The following NDNF variants were observed in gnomAD, a reference collection of about 807,000 sequenced individuals.
The protein encoded by NDNF is protein NDNF.
In NDNF, 16 loss-of-function variants were observed where a neutral mutation model predicts 42.0. The observed-to-expected ratio is 0.38, with a 90% CI of 0.26 to 0.58. The LOEUF (loss-of-function observed/expected upper bound fraction) is 0.58. Among genes scored for constraint, NDNF ranks in the 20% least tolerant of loss-of-function variants. NDNF has a pLI of 0.67. For synonymous variants in NDNF, 248 were observed against 251.7 expected (o/e 0.99, Z 0.14); for missense variants, 616 against 666.2 (o/e 0.92, Z 0.83).
In NDNF at chr4:121,037,540, C is replaced by A. The variant is rs1299349129; in HGVS notation, c.431G>T (p.Gly144Val). The change falls in exon 4 of 4, where the codon GGT becomes GTT. Residue 144 changes from glycine to valine, a missense_variant. Physicochemically the swap from Gly to Val is moderately radical, Grantham distance 109. Coordinates refer to ENST00000379692, the MANE Select transcript of NDNF (RefSeq NM_024574.4). Reference protein sequence around the residue: ...EYFISSSSPSGLYQLDLLSTE... With the variant: ...EYFISSSSPSVLYQLDLLSTE... ...TGAAAGAAGATCCAACTGATATAAACCGGATGGGGAACTAGACGATATAAA... is the reference window on the plus strand; with the variant it reads ...TGAAAGAAGATCCAACTGATATAAAACGGATGGGGAACTAGACGATATAAA... 6 of 1,613,842 alleles carry A rather than the reference C, an allele frequency of 3.7e-6. No homozygotes were observed. Among genetic ancestry groups the A allele is most frequent in the Admixed American group, 3.3e-5 (2 of 60,002 alleles).
At chr4:121,040,745 C>G (rs922519126) in intron 2 of NDNF, among the ~76,000 whole-genome samples, 2 of 152,162 alleles carry the variant, frequency 1.3e-5, no homozygotes, top group African/African-American at 4.8e-5. Flanking sequence ...TGGGCTCAAA[C>G]GATCCTCCCA....
At chr4:121,051,124 A>G (rs900047971) in intron 1 of NDNF, among the ~76,000 whole-genome samples, 1 of 152,134 alleles carries the variant, frequency 6.6e-6, no homozygotes, top group Non-Finnish European at 1.5e-5. Context: ...ATAAAAATGG[A>G]ACATCTGCTG....
In NDNF at chr4:121,039,265, G is replaced by A. The variant is rs546680600; in HGVS notation, c.313+665C>T. Among the ~76,000 whole-genome samples the A allele has an allele frequency of 1.4e-3, 185 of 134,910 alleles. 1 individual carries two copies. Among genetic ancestry groups the A allele is most frequent in the African/African-American group, 5.0e-3 (175 of 35,074 alleles). 88.5% of individuals were successfully genotyped at this position (134,910 alleles called of 152,430 possible). On this transcript the variant is annotated intron_variant, in intron 3 of 3. Coordinates refer to ENST00000379692, the MANE Select transcript of NDNF (RefSeq NM_024574.4). ...ACTATGTATATATATATAGTCATTT[G>A]TAGGGCACCCATTGTCAAGCCTTCA... is the stretch of plus-strand genomic sequence containing the variant.
In NDNF at chr4:121,037,549, G is replaced by A; in HGVS notation, c.422C>T (p.Ser141Phe). ...NDVEYFISSSSPSGLYQLDLL... is the reference protein window; with the variant it reads ...NDVEYFISSSFPSGLYQLDLL... ...ATCCAACTGATATAAACCGGATGGG[G>A]AACTAGACGATATAAAATACTCAAC... The change falls in exon 4 of 4, where the codon TCC becomes TTC. Residue 141 changes from serine (S) to phenylalanine (F), a missense_variant. Coordinates refer to ENST00000379692, the MANE Select transcript of NDNF (RefSeq NM_024574.4). The A allele has an allele frequency of 6.2e-7, 1 of 1,613,804 alleles. No homozygotes were observed. The highest frequency in any genetic ancestry group is 8.5e-7 in the Non-Finnish European group (1 of 1,179,776).
At chr4:121,071,094 C>G (rs1167432117) in intron 1 of NDNF, among the ~76,000 whole-genome samples, 1 of 152,180 alleles carries the variant, frequency 6.6e-6, no homozygotes, top group African/African-American at 2.4e-5. Context: ...ACAGCTGGGA[C>G]CTGCAATCAC....
chr4:121,062,347 T>C (rs1238630832), intron 1 of NDNF, among the ~76,000 whole-genome samples: 1 of 152,256 alleles, frequency 6.6e-6, no homozygotes, highest in Non-Finnish European at 1.5e-5. Context: ...AAGCCGAGCG[T>C]GCTTGGGCTT....
At chr4:121,051,356 T>C (rs2148767341) in intron 1 of NDNF, among the ~76,000 whole-genome samples, 1 of 152,298 alleles carries the variant, frequency 6.6e-6, no homozygotes, top group East Asian at 1.9e-4. Context: ...CAGACAATTC[T>C]AAGCCTTTCT....
chr4:121,051,823 G>C (rs533922588), intron 1 of NDNF, among the ~76,000 whole-genome samples: 1 of 152,096 alleles, frequency 6.6e-6, no homozygotes, highest in Non-Finnish European at 1.5e-5. Context: ...AAACAATTAA[G>C]ACTTTTAAGA....
rs1481464887 is a variant in NDNF, at chr4:121,039,186, GTGTGTGTATATATATA to G, written c.313+728_313+743del. ...ATATATATATAAAGACTATGTGTGT[GTGTGTGTATATATATA>G]TATATATATATATATATATATATAT... On this transcript the variant is annotated intron_variant, in intron 3 of 3. Coordinates refer to ENST00000379692, the MANE Select transcript of NDNF (RefSeq NM_024574.4). 3.2e-3 allele frequency among the ~76,000 whole-genome samples: 53 copies of G among 16,408 alleles called. 2 individuals carry two copies. Among genetic ancestry groups the G allele is most frequent in the East Asian group, 0.013 (2 of 154 alleles). The allele number at this position is 16,408 out of a possible 152,430, so 10.8% of individuals were successfully genotyped here. A position where few individuals can be genotyped will look rare whatever the true frequency, so the allele number is the denominator to read the frequency against.
chr4:121,045,378 G>A (rs1460581852), intron 2 of NDNF, among the ~76,000 whole-genome samples: 1 of 150,800 alleles, frequency 6.6e-6, no homozygotes, highest in Non-Finnish European at 1.5e-5. Flanking sequence ...AAATCCTCCT[G>A]TACTGAAAAG....
chr4:121,036,433 A>T lies in NDNF; in HGVS notation c.1538T>A (p.Val513Asp). The T allele has an allele frequency of 6.2e-7, 1 of 1,614,140 alleles. No homozygotes were observed. Among genetic ancestry groups the T allele is most frequent in the Non-Finnish European group, 8.5e-7 (1 of 1,180,022 alleles). Residue 513 changes from valine to aspartate, a missense_variant, in exon 4 of 4, where the codon GTC (valine) becomes GAC (aspartate). Physicochemically the swap from Val to Asp is radical, Grantham distance 152. Transcript: ENST00000379692. ...TTGACTGTGGAAATATTTACAGAGG[A>T]CCTTTTCTGACTTCTTCCTTATATC... ...GPDIRKKSEK[V>D]LCKYFHSQNL...
chr4:121,052,849 C>G (rs1195612154), intron 1 of NDNF, among the ~76,000 whole-genome samples: 2 of 152,098 alleles, frequency 1.3e-5, no homozygotes, highest in South Asian at 4.2e-4. Flanking sequence ...CTTAAAAATC[C>G]AAATCTGTTA....
chr4:121,038,343 C>T (rs951265418), intron 3 of NDNF, among the ~76,000 whole-genome samples: 1 of 124,352 alleles, frequency 8.0e-6, no homozygotes, highest in East Asian at 2.1e-4. Flanking sequence ...CAAAGCAAGA[C>T]CCTGTCTCAA....
intron 2 of NDNF, among the ~76,000 whole-genome samples, chr4:121,041,491 G>T (rs1306716289): frequency 6.6e-6 from 1 of 152,148 alleles, no homozygotes; most frequent in Non-Finnish European, 1.5e-5. Flanking sequence ...ACAGGACTGT[G>T]CTTGAACGTC....
intron 1 of NDNF, among the ~76,000 whole-genome samples, chr4:121,046,772 C>A (rs1727101303): frequency 6.6e-6 from 1 of 152,182 alleles, no homozygotes; most frequent in African/African-American, 2.4e-5. Flanking sequence ...TTCTCTACTG[C>A]ACATTGCTGT....
Position 121,037,419 on chromosome 4 carries a change from C to T in NDNF, c.552G>A (p.Val184=), listed in dbSNP as rs1350051038. Residue 184 remains valine, a synonymous_variant, in exon 4 of 4, where the codon GTG becomes GTA. Coordinates refer to ENST00000379692, the MANE Select transcript of NDNF (RefSeq NM_024574.4). ...TGACCGTGGTGCGCCCCAGTGAGGT[C>T]ACATCTACTCTTGGGTCATAGGGTA... is the stretch of plus-strand genomic sequence containing the variant. ...PELPYDPRVD[V]TSLGRTTVTL... is the part of the protein sequence containing the mutation. 6.2e-7 allele frequency: 1 copy of T among 1,614,118 alleles called. No homozygotes were observed. The highest frequency in any genetic ancestry group is 2.2e-5 in the East Asian group (1 of 44,880).
chr4:121,057,633 A>C lies in NDNF; in HGVS notation c.-1-11795T>G, dbSNP rs570005770. Among the ~76,000 whole-genome samples, 30 of 152,364 alleles carry C rather than the reference A, an allele frequency of 2.0e-4. No individual in the cohort carries two copies. In the South Asian group the frequency reaches 3.1e-3, roughly 16 times the overall value. On this transcript the variant is annotated intron_variant, in intron 1 of 3. Coordinates refer to ENST00000379692, the MANE Select transcript of NDNF (RefSeq NM_024574.4). ...GCTCGCCCAGCCAGTCCCCATTGTC[A>C]GCATGGTTTTAGGGAAAGGAGCTTG...
intron 1 of NDNF, among the ~76,000 whole-genome samples, chr4:121,054,697 A>G (rs1727254469): frequency 6.6e-6 from 1 of 152,266 alleles, no homozygotes; most frequent in Non-Finnish European, 1.5e-5. Flanking sequence ...AGCTTGAGGT[A>G]TTGACAAAAG....
Position 121,062,205 on chromosome 4 carries a change from C to T in NDNF, c.-2+9788G>A, listed in dbSNP as rs193003705. ...CTGATTAGAAGCACAGAGTTAAAGGCCAAGATGTCGATTTTAAAAAATAAT... is the reference window on the plus strand; with the variant it reads ...CTGATTAGAAGCACAGAGTTAAAGGTCAAGATGTCGATTTTAAAAAATAAT... On this transcript the variant is annotated intron_variant, in intron 1 of 3. Transcript: ENST00000379692. Among the ~76,000 whole-genome samples, 16 of 152,296 alleles carry T rather than the reference C, an allele frequency of 1.1e-4. No homozygotes were observed. The East Asian group carries it at 2.9e-3, about 28-fold the overall frequency.
Sources: gnomAD v4.1 joint callset for allele counts (sites outside exome capture counted in the v4.1 genomes callset) on GRCh38, gnomAD v4.1.1 for gene constraint, MANE v1.5 for transcripts, NCBI Gene and HGNC (gene_info 2026-07-23, HGNC 2026-07-21) for gene names.